Variants in ZFHX3 observed in about 807,000 individuals in gnomAD.
ZFHX3 encodes zinc finger homeobox 3.
ZFHX3 carries 42 observed loss-of-function variants against 279.1 expected under a neutral mutation model. The ratio of observed to expected loss-of-function variants is 0.15; its 90% CI spans 0.12 to 0.19. The LOEUF is 0.19. ZFHX3 is among the 10% of genes least tolerant of loss of function. The pLI is 1.00. For synonymous variants in ZFHX3, 2,293 were observed against 1,957.8 expected (o/e 1.17, Z -4.52); for missense variants, 4,981 against 4,754.0 (o/e 1.05, Z -1.40).
intron 1 of ZFHX3, among the ~76,000 whole-genome samples, chr16:73,835,879 C>T (rs1485256125): frequency 6.6e-6 from 1 of 152,106 alleles, no homozygotes; most frequent in East Asian, 1.9e-4. Context: ...TAGCCTTTGA[C>T]TAAATGTGCC....
At chr16:72,877,745 C>G (rs997432947) in intron 4 of ZFHX3, among the ~76,000 whole-genome samples, 2 of 152,184 alleles carry the variant, frequency 1.3e-5, no homozygotes, top group African/African-American at 4.8e-5. Context: ...CAGACAAGCA[C>G]GTGCGTGGAT....
intron 2 of ZFHX3, among the ~76,000 whole-genome samples, chr16:73,489,881 C>G (rs1201698627): frequency 6.6e-6 from 1 of 152,112 alleles, no homozygotes; most frequent in Non-Finnish European, 1.5e-5. Flanking sequence ...AGATTAGTCA[C>G]TGAAATCTTG....
At chr16:73,223,678 T>C (rs1470361688) in intron 5 of ZFHX3, among the ~76,000 whole-genome samples, 1 of 152,220 alleles carries the variant, frequency 6.6e-6, no homozygotes, top group East Asian at 1.9e-4. Context: ...CTCTTCCACA[T>C]GATCCAGAAA....
intron 2 of ZFHX3, among the ~76,000 whole-genome samples, chr16:73,621,787 C>T (rs545844712): frequency 3.9e-5 from 6 of 152,292 alleles, no homozygotes; most frequent in Non-Finnish European, 7.3e-5. Flanking sequence ...GACCCCAGAT[C>T]TTCCATTAAA....
rs1464450660 is a variant in ZFHX3 at position 73,812,766 on chromosome 16, A to C, written c.-1608+78885T>G. 8 of 152,370 alleles carry C rather than the reference A, an allele frequency of 5.3e-5. No individual in the cohort carries two copies. In the East Asian group the frequency reaches 1.4e-3, roughly 26 times the overall value. The allele number at this position is 152,370 out of a possible 1,614,324, so 9.4% of individuals were successfully genotyped here. A position where few individuals can be genotyped will look rare whatever the true frequency, so the allele number is the denominator to read the frequency against. Reference sequence around the variant, plus strand: ...TGTTTGATAAATGAGTGAGTGAAAGAACAGATGAACACACGAAGACTGCCA... The same window carrying C: ...TGTTTGATAAATGAGTGAGTGAAAGCACAGATGAACACACGAAGACTGCCA... On this transcript the variant is annotated intron_variant, in intron 1 of 17. Transcript: ENST00000641206.
At chr16:73,867,385 C>T (rs1209131546) in intron 1 of ZFHX3, among the ~76,000 whole-genome samples, 1 of 152,162 alleles carries the variant, frequency 6.6e-6, no homozygotes, top group African/African-American at 2.4e-5. Context: ...CTAGACATCA[C>T]GTAGCTTAGT....
Position 72,787,312 on chromosome 16 carries a change from A to C in ZFHX3, c.10964T>G (p.Met3655Arg). ...CTCCTCCGAATAGTCGTCTGTTGGC[A>C]TCGAGGGCTGAACCCCTGAGGTGCT... is the stretch of plus-strand genomic sequence containing the variant. Reference protein sequence around the residue: ...SCSTSGVQPSMPTDDYSEESD... With the variant: ...SCSTSGVQPSRPTDDYSEESD... Residue 3655 changes from methionine (M) to arginine (R), a missense_variant, in exon 10 of 10, where the codon ATG (methionine) becomes AGG (arginine). By Grantham distance (91) the Met-to-Arg change is moderately conservative. Coordinates refer to ENST00000268489, the MANE Select transcript of ZFHX3 (RefSeq NM_006885.4). The C allele has an allele frequency of 1.2e-6, 2 of 1,613,956 alleles. No homozygotes were observed.
intron 3 of ZFHX3, among the ~76,000 whole-genome samples, chr16:73,424,965 C>T (rs2017785899): frequency 6.6e-6 from 1 of 152,058 alleles, no homozygotes; most frequent in South Asian, 2.1e-4. Context: ...AGGACATGCC[C>T]ATGAGGGGGT....
At chr16:73,293,549 G>A (rs2014827354) in intron 4 of ZFHX3, among the ~76,000 whole-genome samples, 1 of 152,220 alleles carries the variant, frequency 6.6e-6, no homozygotes, top group Admixed American at 6.5e-5. Flanking sequence ...GAAGACAATA[G>A]TGAGAAGATT....
chr16:73,686,287 G>A (rs534853605), intron 1 of ZFHX3, among the ~76,000 whole-genome samples: 2 of 152,110 alleles, frequency 1.3e-5, no homozygotes, highest in East Asian at 3.9e-4. Context: ...GTAGAGACAG[G>A]GTTTCACCAT....
At chr16:72,964,884 G>A (rs1468835571) in intron 1 of ZFHX3, among the ~76,000 whole-genome samples, 2 of 152,100 alleles carry the variant, frequency 1.3e-5, no homozygotes, top group Non-Finnish European at 2.9e-5. Flanking sequence ...GTATGGGTGT[G>A]GAGTCTATGC....
chr16:73,174,377 C>A (rs919879657), intron 5 of ZFHX3, among the ~76,000 whole-genome samples: 2 of 152,134 alleles, frequency 1.3e-5, no homozygotes, highest in Non-Finnish European at 2.9e-5. Flanking sequence ...ATATTGACAG[C>A]GAGGCAGGAT....
intron 2 of ZFHX3, among the ~76,000 whole-genome samples, chr16:73,485,567 G>A (rs1389982970): frequency 1.3e-5 from 2 of 152,118 alleles, no homozygotes; most frequent in East Asian, 3.9e-4. Flanking sequence ...ATGCTGATAA[G>A]GGCTGCAGTG....
In ZFHX3 at chr16:72,784,275, AC is replaced by A. The variant is rs1471645863; in HGVS notation, c.*2888del. The A allele has an allele frequency of 6.6e-6, 1 of 152,492 alleles. No homozygotes were observed. The highest frequency in any genetic ancestry group is 2.4e-5 in the African/African-American group (1 of 41,366). 9.4% of individuals were successfully genotyped at this position (152,492 alleles called of 1,614,324 possible). A position where few individuals can be genotyped will look rare whatever the true frequency, so the allele number is the denominator to read the frequency against. ...ATGAAAAAAAAAAACAAAAACAAAA[AC>A]AAAAACCCAAACCATCAGGGAGGGG... On this transcript the variant is annotated 3_prime_UTR_variant, in exon 10 of 10. Transcript: ENST00000268489.
intron 5 of ZFHX3, among the ~76,000 whole-genome samples, chr16:73,245,926 G>A (rs2013267740): frequency 6.6e-6 from 1 of 152,118 alleles, no homozygotes; most frequent in African/African-American, 2.4e-5. Flanking sequence ...TTGAGTCCTT[G>A]GGCGTGGACC....
intron 1 of ZFHX3, chr16:73,016,034 C>A (rs894445471): frequency 2.0e-5 from 3 of 152,366 alleles, no homozygotes; most frequent in Middle Eastern, 3.4e-3. Flanking sequence ...AGAGCGATTT[C>A]TGAATCACCT....
Position 73,180,826 on chromosome 16 carries a change from C to A in ZFHX3, c.-1103-36995G>T, listed in dbSNP as rs532656011. On this transcript the variant is annotated intron_variant, in intron 5 of 17. Transcript: ENST00000641206. ...TACAGGTGCGCACCACCACACCCAGCTAATTTTTGCATTTCTAGTTGAGAC... is the reference window on the plus strand; with the variant it reads ...TACAGGTGCGCACCACCACACCCAGATAATTTTTGCATTTCTAGTTGAGAC... Among the ~76,000 whole-genome samples the A allele has an allele frequency of 3.3e-5, 5 of 152,082 alleles. No individual in the cohort carries two copies. In the East Asian group the frequency reaches 9.7e-4, roughly 30 times the overall value.
At chr16:73,433,648 G>T (rs1471286540) in intron 3 of ZFHX3, among the ~76,000 whole-genome samples, 2 of 152,150 alleles carry the variant, frequency 1.3e-5, no homozygotes, top group Non-Finnish European at 2.9e-5. Flanking sequence ...GCTCCTAGGG[G>T]AGCCATAAAG....
chr16:73,010,184 C>A (rs995119934), intron 1 of ZFHX3, among the ~76,000 whole-genome samples: 2 of 152,162 alleles, frequency 1.3e-5, no homozygotes, highest in African/African-American at 4.8e-5. Flanking sequence ...CACTGCTACT[C>A]GCCCTGCTGG....
Sources: gnomAD v4.1 joint callset for allele counts (sites outside exome capture counted in the v4.1 genomes callset) on GRCh38, gnomAD v4.1.1 for gene constraint, MANE v1.5 for transcripts, NCBI Gene and HGNC (gene_info 2026-07-23, HGNC 2026-07-21) for gene names.